TCF7: variants seen among roughly 807,000 people sequenced by gnomAD.
The protein encoded by TCF7 is T-cell-factor-7.
In TCF7, 19 loss-of-function variants were observed where a neutral mutation model predicts 46.8. The ratio of observed to expected loss-of-function variants is 0.41; its 90% CI spans 0.28 to 0.60. The LOEUF (loss-of-function observed/expected upper bound fraction) is 0.60. Among genes scored for constraint, TCF7 ranks in the 20% least tolerant of loss-of-function variants. TCF7 has a pLI of 0.35. For missense variants in TCF7, 547 were observed against 504.6 expected, an observed-to-expected ratio of 1.08 and a Z score of -0.81; for synonymous variants, 245 against 213.4, an observed-to-expected ratio of 1.15 and a Z score of -1.29.
rs181254765 is a variant in TCF7, at chr5:134,131,872, G to A, written c.442-6187G>A. On this transcript the variant is annotated intron_variant, in intron 3 of 9. Transcript: ENST00000342854. ...CAGAGGGAAGGCACCTGGGCCGGAG[G>A]AGCAGGCTGACATGGCTGTGCCGTG... Among the ~76,000 whole-genome samples the A allele has an allele frequency of 4.6e-5, 7 of 152,392 alleles. No individual in the cohort carries two copies. In the East Asian group the frequency reaches 1.2e-3, roughly 25 times the overall value.
At chr5:134,145,783 A>G (rs1760607854) in intron 9 of TCF7, 2 of 1,613,942 alleles carry the variant, frequency 1.2e-6, no homozygotes, top group Non-Finnish European at 1.7e-6. Context: ...AATGGACAAG[A>G]GTCACTGTCC....
intron 9 of TCF7, chr5:134,144,998 C>T: frequency 1.3e-6 from 1 of 795,354 alleles, no homozygotes. Flanking sequence ...AGATTGGGAG[C>T]CCAGGCCTCC....
chr5:134,128,219 C>T (rs1039259720), intron 3 of TCF7, among the ~76,000 whole-genome samples: 1 of 152,210 alleles, frequency 6.6e-6, no homozygotes, highest in Non-Finnish European at 1.5e-5. Context: ...ACTCTCTGCC[C>T]TGTTTGCGTC....
rs1759364047 is a variant in TCF7, at chr5:134,139,219, C to T, written c.635+181C>T. The T allele has an allele frequency of 1.6e-5, 15 of 914,694 alleles. No homozygotes were observed. The South Asian group carries it at 2.7e-4, about 17-fold the overall frequency. 56.7% of individuals were successfully genotyped at this position (914,694 alleles called of 1,614,324 possible). On this transcript the variant is annotated intron_variant, in intron 5 of 9. Transcript: ENST00000342854. ...CTCTGAGCTAGGGGTCCTCATGTAC[C>T]CCGGCCTGCATTCCCCAGGGAGCCT...
chr5:134,120,289 C>CACCCCTA (rs1756388375), intron 3 of TCF7, among the ~76,000 whole-genome samples: 1 of 152,218 alleles, frequency 6.6e-6, no homozygotes, highest in East Asian at 1.9e-4. Flanking sequence ...ACCCCTCCCT[C>CACCCCTA]ACCCCTAACC....
chr5:134,113,152 C>T (rs1755372770), upstream of TCF7, among the ~76,000 whole-genome samples: 2 of 152,184 alleles, frequency 1.3e-5, 1 homozygote, highest in South Asian at 4.1e-4. Flanking sequence ...GCAGATGAGG[C>T]GAGACTAAGC....
At position 134,143,624 on chromosome 5, in the gene TCF7, C is replaced by G. The variant is rs1561700046; in HGVS notation, c.1059C>G (p.His353Gln). Reference sequence around the variant, plus strand: ...AGAAGAGGCGGTCGAGGGAAAAGCACCAAGAATCCACCACAGGTGAGACCT... The same window carrying G: ...AGAAGAGGCGGTCGAGGGAAAAGCAGCAAGAATCCACCACAGGTGAGACCT... ...GKKKRRSREK[H>Q]QESTTGGKRN... Residue 353 changes from histidine (H) to glutamine (Q), a missense_variant, in exon 9 of 10, where the codon CAC (histidine) becomes CAG (glutamine). By Grantham distance (24) the His-to-Gln change is conservative (BLOSUM62 0). This residue lies in a region of TCF7 where 90 missense variants were observed against 88.8 expected (regional missense o/e 1.01). Coordinates refer to ENST00000342854, the MANE Select transcript of TCF7 (RefSeq NM_003202.5). 1 of 1,614,042 alleles carries G rather than the reference C, an allele frequency of 6.2e-7. No homozygotes were observed. Among genetic ancestry groups the G allele is most frequent in the African/African-American group, 1.3e-5 (1 of 75,038 alleles).
At chr5:134,118,971 A>G (rs187248849) in intron 3 of TCF7, among the ~76,000 whole-genome samples, 79 of 152,254 alleles carry the variant, frequency 5.2e-4, no homozygotes, top group Non-Finnish European at 6.9e-4. Flanking sequence ...TTCTGTAGCA[A>G]TGGGTCTCAC....
At chr5:134,117,323 C>T (rs1364557908) in intron 3 of TCF7, among the ~76,000 whole-genome samples, 1 of 152,246 alleles carries the variant, frequency 6.6e-6, no homozygotes, top group African/African-American at 2.4e-5. Flanking sequence ...CCAGAGAACT[C>T]ACCCTGTGTG....
chr5:134,127,177 T>C (rs1757461391), intron 3 of TCF7, among the ~76,000 whole-genome samples: 1 of 152,174 alleles, frequency 6.6e-6, no homozygotes, highest in Non-Finnish European at 1.5e-5. Context: ...GCTGGATTCC[T>C]CTGGCCCCAG....
intron 3 of TCF7, among the ~76,000 whole-genome samples, chr5:134,120,711 T>G (rs965068374): frequency 6.6e-6 from 1 of 152,260 alleles, no homozygotes; most frequent in African/African-American, 2.4e-5. Flanking sequence ...AGGACCCTCC[T>G]CATCCCTTGG....
Position 134,117,425 on chromosome 5 carries a change from C to G in TCF7, c.441+1392C>G, listed in dbSNP as rs148250050. Among the ~76,000 whole-genome samples, 1,323 of 152,346 alleles carry G rather than the reference C, an allele frequency of 8.7e-3. 15 individuals carry two copies. Among genetic ancestry groups the G allele is most frequent in the Admixed American group, 0.016 (250 of 15,306 alleles). On this transcript the variant is annotated intron_variant, in intron 3 of 9. Transcript: ENST00000342854. ...CTAGGTTGACATAACCCACCAGTGC[C>G]AAACTTCCAACAGGTGTGCCACTTG...
In TCF7 at chr5:134,144,053, C is replaced by G. The variant is rs73790188; in HGVS notation, c.1075+413C>G. The G allele has an allele frequency of 9.9e-3, 1,776 of 179,634 alleles. 32 individuals are homozygous for G. The highest frequency in any genetic ancestry group is 0.039 in the African/African-American group (1,665 of 42,326). The allele number at this position is 179,634 out of a possible 1,614,324, so 11.1% of individuals were successfully genotyped here. On this transcript the variant is annotated intron_variant, in intron 9 of 9. Coordinates refer to ENST00000342854, the MANE Select transcript of TCF7 (RefSeq NM_003202.5). ...TGACTAGGCCCAGTAGACACACAGC[C>G]TACTGGCTGGAGCCTGGCAATTTAT...
chr5:134,141,055 T>A (rs1258629929), intron 5 of TCF7: 4 of 312,696 alleles, frequency 1.3e-5, no homozygotes, highest in Non-Finnish European at 2.5e-5. Context: ...ATGAAGCTAG[T>A]GCAAGTGCCA....
rs745587858 is a variant in TCF7 at position 134,146,358 on chromosome 5, G to A, written c.*55G>A. On this transcript the variant is annotated 3_prime_UTR_variant, in exon 10 of 10. Transcript: ENST00000342854. ...TCACCCTCATACCATCTGCTGCCCC[G>A]CTTCCCCACAGAACTGCTTACTAGC... 40 of 1,599,304 alleles carry A rather than the reference G, an allele frequency of 2.5e-5. No individual in the cohort carries two copies. The highest frequency in any genetic ancestry group is 1.4e-4 in the South Asian group (13 of 90,770).
chr5:134,112,017 T>A (rs1479334374), upstream of TCF7, among the ~76,000 whole-genome samples: 1 of 152,134 alleles, frequency 6.6e-6, no homozygotes, highest in East Asian at 1.9e-4. Context: ...TAGTAATCAC[T>A]CAGTATATGA....
intron 3 of TCF7, among the ~76,000 whole-genome samples, chr5:134,135,487 C>T (rs1460734523): frequency 6.6e-6 from 1 of 152,070 alleles, no homozygotes; most frequent in Non-Finnish European, 1.5e-5. Context: ...ATTCTAGACA[C>T]ATTTTGAAGG....
At chr5:134,111,190 A>T (rs1364597647), upstream of TCF7, among the ~76,000 whole-genome samples, 1 of 152,218 alleles carries the variant, frequency 6.6e-6, no homozygotes, top group Non-Finnish European at 1.5e-5. Flanking sequence ...CACGGCAGAG[A>T]TGGAAACTTA....
At chr5:134,123,616 G>C (rs1490285663) in intron 3 of TCF7, 2 of 449,506 alleles carry the variant, frequency 4.4e-6, no homozygotes, top group Admixed American at 2.4e-5. Context: ...CAGCAGAGGG[G>C]CAGACAGAGG....
Sources: gnomAD v4.1 joint callset for allele counts (sites outside exome capture counted in the v4.1 genomes callset) on GRCh38, gnomAD v4.1.1 for gene constraint, gnomAD v4.1.1 regional missense constraint, MANE v1.5 for transcripts, NCBI Gene and HGNC (gene_info 2026-07-23, HGNC 2026-07-21) for gene names.